The following TMEM182 variants were observed in gnomAD, a reference collection of about 807,000 sequenced individuals.
TMEM182 encodes transmembrane protein 182.
In TMEM182, 20 loss-of-function variants were observed where a neutral mutation model predicts 26.8. The observed-to-expected ratio is 0.75, with a 90% confidence interval of 0.53 to 1.09. The LOEUF (loss-of-function observed/expected upper bound fraction) is 1.09. TMEM182 is among the 50% of genes least tolerant of loss of function. The pLI is 0.00. For missense variants in TMEM182, 277 were observed against 275.5 expected (o/e 1.01, Z -0.04); for synonymous variants, 109 against 102.2 (o/e 1.07, Z -0.40).
intron 3 of TMEM182, among the ~76,000 whole-genome samples, chr2:102,772,504 G>A (rs1424659743): frequency 6.6e-6 from 1 of 152,112 alleles, no homozygotes; most frequent in Non-Finnish European, 1.5e-5. Context: ...TTGAATGTGG[G>A]TCCTGCCATC....
intron 3 of TMEM182, among the ~76,000 whole-genome samples, chr2:102,770,994 C>T (rs575758639): frequency 6.6e-6 from 1 of 152,064 alleles, no homozygotes; most frequent in African/African-American, 2.4e-5. Flanking sequence ...ATTGAGATAC[C>T]CCCACCTCTG....
At chr2:102,757,186 C>T (rs574297373), upstream of TMEM182, among the ~76,000 whole-genome samples, 1 of 152,102 alleles carries the variant, frequency 6.6e-6, no homozygotes, top group African/African-American at 2.4e-5. Context: ...CCTATTCTTT[C>T]CCCCAGGCTC....
chr2:102,793,212 G>A (rs1410748377), intron 3 of TMEM182, among the ~76,000 whole-genome samples: 2 of 152,170 alleles, frequency 1.3e-5, no homozygotes, highest in African/African-American at 2.4e-5. Flanking sequence ...CAGAAGGCAT[G>A]GGTCAGAGGT....
chr2:102,828,505 T>C (rs1683087444), intron 3 of TMEM182, among the ~76,000 whole-genome samples: 1 of 152,172 alleles, frequency 6.6e-6, no homozygotes, highest in South Asian at 2.1e-4. Context: ...AAAAAAGTCA[T>C]TAGGAAAAAT....
chr2:102,795,161 A>G (rs1417173284), intron 3 of TMEM182, among the ~76,000 whole-genome samples: 1 of 152,094 alleles, frequency 6.6e-6, no homozygotes, highest in Non-Finnish European at 1.5e-5. Flanking sequence ...TAGACCTTAT[A>G]ATTTCTTTAT....
chr2:102,765,040 G>A (rs1400267322), intron 3 of TMEM182, among the ~76,000 whole-genome samples: 2 of 151,920 alleles, frequency 1.3e-5, no homozygotes, highest in Non-Finnish European at 2.9e-5. Context: ...ACAAAAAAGT[G>A]TTTTTCAAAA....
chr2:102,779,998 T>A (rs1205872333), intron 3 of TMEM182, among the ~76,000 whole-genome samples: 2 of 151,756 alleles, frequency 1.3e-5, no homozygotes, highest in Non-Finnish European at 2.9e-5. Flanking sequence ...AGTGAAACTC[T>A]GTCTTGGGAA....
At chr2:102,800,239 C>A (rs115335568) in intron 4 of TMEM182, among the ~76,000 whole-genome samples, 2,825 of 152,286 alleles carry the variant, frequency 0.019, 71 homozygotes, top group African/African-American at 0.061. Flanking sequence ...TCACCACTAT[C>A]TGACTTCAGA....
chr2:102,786,297 C>G (rs1681393090), intron 3 of TMEM182, among the ~76,000 whole-genome samples: 1 of 145,444 alleles, frequency 6.9e-6, no homozygotes, highest in South Asian at 2.2e-4. Context: ...TCACTGTAAC[C>G]TCTGCCACCT....
intron 3 of TMEM182, among the ~76,000 whole-genome samples, chr2:102,767,543 CT>C (rs1292224497): frequency 6.6e-6 from 1 of 152,046 alleles, no homozygotes; most frequent in Non-Finnish European, 1.5e-5. Flanking sequence ...AATTTTTTGC[CT>C]TCTCAGTGTC....
chr2:102,831,206 A>G (rs916939822), intron 3 of TMEM182, among the ~76,000 whole-genome samples: 2 of 152,166 alleles, frequency 1.3e-5, no homozygotes, highest in African/African-American at 4.8e-5. Context: ...ATTTCTGTTC[A>G]TTTGGGTATA....
At chr2:102,760,844 G>C (rs1360015637), upstream of TMEM182, among the ~76,000 whole-genome samples, 3 of 151,974 alleles carry the variant, frequency 2.0e-5, no homozygotes, top group Non-Finnish European at 2.9e-5. Flanking sequence ...GTCTCCACCC[G>C]CCTCGGCCTC....
intron 4 of TMEM182, among the ~76,000 whole-genome samples, chr2:102,799,266 G>T (rs993486346): frequency 1.3e-5 from 2 of 152,214 alleles, no homozygotes; most frequent in Non-Finnish European, 2.9e-5. Flanking sequence ...AAGATGGCTT[G>T]TGATGCTGCC....
In TMEM182 at chr2:102,843,109, A is replaced by G. The variant is rs552519305; in HGVS notation, c.326-303A>G. Among the ~76,000 whole-genome samples, 162 of 152,296 alleles carry G rather than the reference A, an allele frequency of 1.1e-3. 4 individuals carry two copies. In the South Asian group the frequency reaches 0.032, roughly 30 times the overall value. On this transcript the variant is annotated intron_variant, in intron 3 of 3. Transcript: ENST00000486293. ...GGCCGTGCTAAGGTCTCCTGTTGCC[A>G]TGGCTCCCCGATGTGTGCCAGGGTT...
chr2:102,839,447 CTATATATA>C (rs10691405), intron 3 of TMEM182, among the ~76,000 whole-genome samples: 16 of 134,408 alleles, frequency 1.2e-4, no homozygotes, highest in South Asian at 2.5e-4. Context: ...TGATGTTTTG[CTATATATA>C]TATATATATA....
chr2:102,802,543 C>A (rs925719856), intron 4 of TMEM182, among the ~76,000 whole-genome samples: 2 of 152,176 alleles, frequency 1.3e-5, no homozygotes, highest in Admixed American at 6.5e-5. Flanking sequence ...TTTGTTTTAA[C>A]GTGGACTCAC....
At chr2:102,781,887 G>T (rs1322834622) in intron 3 of TMEM182, among the ~76,000 whole-genome samples, 1 of 152,082 alleles carries the variant, frequency 6.6e-6, no homozygotes, top group African/African-American at 2.4e-5. Flanking sequence ...CTCCAGTGCT[G>T]GGATGAGGAA....
At position 102,815,312 on chromosome 2, in the gene TMEM182, A is replaced by C. The variant is rs994996194; in HGVS notation, c.*344A>C. 2.0e-6 allele frequency: 2 copies of C among 1,016,572 alleles called. No homozygotes were observed. The highest frequency in any genetic ancestry group is 3.4e-5 in the African/African-American group (2 of 58,088). 63.0% of individuals were successfully genotyped at this position (1,016,572 alleles called of 1,614,324 possible). On this transcript the variant is annotated 3_prime_UTR_variant, in exon 5 of 5. Transcript: ENST00000412401. ...GAAAATCTCGATAGATTTGGCTTAA[A>C]GTCTCCTTGGCATTCACTTCTGCTA...
At chr2:102,778,043 A>C (rs953146281) in intron 3 of TMEM182, among the ~76,000 whole-genome samples, 1 of 151,976 alleles carries the variant, frequency 6.6e-6, no homozygotes, top group African/African-American at 2.4e-5. Flanking sequence ...GATGATGTCT[A>C]GTTTTTCTGT....
Sources: gnomAD v4.1 joint callset for allele counts (sites outside exome capture counted in the v4.1 genomes callset) on GRCh38, gnomAD v4.1.1 for gene constraint, MANE v1.5 for transcripts, NCBI Gene and HGNC (gene_info 2026-07-23, HGNC 2026-07-21) for gene names.